ERCC6L2: variants seen among roughly 807,000 people sequenced by gnomAD.
ERCC6L2 encodes DNA excision repair protein ERCC-6-like 2.
In ERCC6L2, 77 loss-of-function variants were observed where a neutral mutation model predicts 132.0. The observed-to-expected ratio is 0.58, with a 90% CI of 0.49 to 0.71. The LOEUF is 0.71. ERCC6L2 is among the 30% of genes least tolerant of loss of function. The pLI, the probability that ERCC6L2 is intolerant of heterozygous loss-of-function variation, is 0.00. For synonymous variants in ERCC6L2, 583 were observed against 632.4 expected (o/e 0.92, Z 1.17); for missense variants, 1,542 against 1,837.6 (o/e 0.84, Z 2.94).
intron 17 of ERCC6L2, among the ~76,000 whole-genome samples, chr9:95,997,562 G>A (rs1286830559): frequency 1.3e-5 from 2 of 152,210 alleles, no homozygotes; most frequent in African/African-American, 4.8e-5. Flanking sequence ...CATAATGTAT[G>A]CACACCTAAT....
intron 12 of ERCC6L2, among the ~76,000 whole-genome samples, chr9:95,951,109 G>A (rs1486278230): frequency 6.6e-6 from 1 of 152,150 alleles, no homozygotes; most frequent in Non-Finnish European, 1.5e-5. Context: ...TTAAAAGATT[G>A]AAATCATTCA....
intron 4 of ERCC6L2, among the ~76,000 whole-genome samples, chr9:95,910,987 C>A (rs1458604352): frequency 6.6e-6 from 1 of 152,184 alleles, no homozygotes; most frequent in Non-Finnish European, 1.5e-5. Flanking sequence ...TATCACAGCT[C>A]ACTGTACCCT....
At chr9:95,931,493 G>A (rs886910807) in intron 11 of ERCC6L2, among the ~76,000 whole-genome samples, 1 of 152,038 alleles carries the variant, frequency 6.6e-6, no homozygotes, top group Non-Finnish European at 1.5e-5. Flanking sequence ...AATATCCTCT[G>A]GTAACTTTTT....
chr9:95,936,920 C>A (rs1261876994), intron 11 of ERCC6L2, among the ~76,000 whole-genome samples: 1 of 152,100 alleles, frequency 6.6e-6, no homozygotes, highest in Non-Finnish European at 1.5e-5. Flanking sequence ...CAGCGTAATT[C>A]CCTGTAAATT....
chr9:96,006,466 G>A (rs1270027986), intron 18 of ERCC6L2, among the ~76,000 whole-genome samples: 1 of 152,190 alleles, frequency 6.6e-6, no homozygotes, highest in Non-Finnish European at 1.5e-5. Context: ...GGAGGTGGCC[G>A]GTGCTATGAG....
At chr9:95,876,355 C>T (rs944205558) in intron 1 of ERCC6L2, 3 of 414,174 alleles carry the variant, frequency 7.2e-6, no homozygotes, top group Non-Finnish European at 1.3e-5. Context: ...AAACTGGGTT[C>T]ATTACTAGGT....
intron 17 of ERCC6L2, among the ~76,000 whole-genome samples, chr9:95,992,732 C>G (rs954235819): frequency 6.6e-6 from 1 of 152,110 alleles, no homozygotes; most frequent in Non-Finnish European, 1.5e-5. Flanking sequence ...CCTAAGTGGC[C>G]CAGCTGGAGG....
Position 96,013,840 on chromosome 9 carries a change from T to C in ERCC6L2, c.*637T>C, listed in dbSNP as rs1010979066. 6.6e-6 allele frequency: 1 copy of C among 152,234 alleles called. No individual in the cohort carries two copies. The allele number at this position is 152,234 out of a possible 1,614,324, so 9.4% of individuals were successfully genotyped here. ...GGTTAATGTTATACACTTTACTATATGAGCTGTGATTACTACCATTAGCCA... is the reference window on the plus strand; with the variant it reads ...GGTTAATGTTATACACTTTACTATACGAGCTGTGATTACTACCATTAGCCA... On this transcript the variant is annotated 3_prime_UTR_variant, in exon 19 of 19. Transcript: ENST00000653738.
intron 3 of ERCC6L2, among the ~76,000 whole-genome samples, chr9:95,898,935 G>A (rs1239655781): frequency 6.6e-6 from 1 of 152,042 alleles, no homozygotes; most frequent in African/African-American, 2.4e-5. Flanking sequence ...CAGATTCAAT[G>A]TGATCCTGAA....
At chr9:95,961,602 G>A (rs551967533) in intron 13 of ERCC6L2, among the ~76,000 whole-genome samples, 501 of 152,192 alleles carry the variant, frequency 3.3e-3, no homozygotes, top group African/African-American at 0.012. Context: ...CTATATTTTT[G>A]TATGAAACTT....
chr9:96,006,422 G>A (rs1340943531), intron 18 of ERCC6L2, among the ~76,000 whole-genome samples: 1 of 152,256 alleles, frequency 6.6e-6, no homozygotes. Flanking sequence ...ACCTTGGCAG[G>A]AGCAGCCTGG....
At chr9:95,879,441 A>G (rs555243720) in intron 1 of ERCC6L2, among the ~76,000 whole-genome samples, 2 of 152,362 alleles carry the variant, frequency 1.3e-5, no homozygotes, top group Admixed American at 6.5e-5. Flanking sequence ...AATGGGAAAT[A>G]TAAGTAATGT....
At chr9:95,923,160 C>G (rs1355885907) in intron 8 of ERCC6L2, 100 bp from the exon 9 acceptor site, 1 of 1,384,932 alleles carries the variant, frequency 7.2e-7, no homozygotes, top group Non-Finnish European at 9.6e-7. Flanking sequence ...TAAAGTAATA[C>G]ATTCTTTCTA....
intron 9 of ERCC6L2, among the ~76,000 whole-genome samples, chr9:95,925,707 T>C (rs1349361482): frequency 6.6e-6 from 1 of 152,186 alleles, no homozygotes; most frequent in Non-Finnish European, 1.5e-5. Flanking sequence ...TTGAAAACAC[T>C]TAAAGTTGCA....
intron 13 of ERCC6L2, among the ~76,000 whole-genome samples, chr9:95,957,888 A>T (rs530496533): frequency 2.8e-4 from 41 of 146,988 alleles, no homozygotes; most frequent in East Asian, 8.0e-4. Context: ...TTTTTTTTTT[A>T]AATTATACTT....
intron 18 of ERCC6L2, among the ~76,000 whole-genome samples, chr9:96,010,374 A>T (rs1833988037): frequency 6.6e-6 from 1 of 152,266 alleles, no homozygotes; most frequent in Non-Finnish European, 1.5e-5. Context: ...AACCTGGTCT[A>T]CGTGGCAGAA....
At chr9:95,919,941 C>G (rs1004744057) in intron 6 of ERCC6L2, among the ~76,000 whole-genome samples, 1 of 152,144 alleles carries the variant, frequency 6.6e-6, no homozygotes, top group Non-Finnish European at 1.5e-5. Flanking sequence ...CGATGAGGAA[C>G]AAGACGCAGA....
chr9:96,037,156 C>T (rs550537109), intron 19 of ERCC6L2, among the ~76,000 whole-genome samples: 2 of 152,384 alleles, frequency 1.3e-5, no homozygotes, highest in East Asian at 3.9e-4. Context: ...ACCTTCTACA[C>T]TTACCTCACT....
intron 6 of ERCC6L2, among the ~76,000 whole-genome samples, chr9:95,918,985 C>T (rs1443877590): frequency 1.3e-5 from 2 of 152,056 alleles, no homozygotes; most frequent in Admixed American, 6.5e-5. Flanking sequence ...TATTCTGCCT[C>T]AGTCTCCCAA....
Sources: allele counts gnomAD v4.1 joint callset (sites outside exome capture counted in the v4.1 genomes callset), GRCh38; gene constraint gnomAD v4.1.1; transcripts MANE v1.5; gene names NCBI Gene and HGNC (gene_info 2026-07-23, HGNC 2026-07-21).